The following CNTNAP5 variants were observed in gnomAD, a reference collection of about 807,000 sequenced individuals.
The protein encoded by CNTNAP5 is contactin-associated protein-like 5.
CNTNAP5 carries 72 observed loss-of-function variants against 150.2 expected under a neutral mutation model. That is an observed-to-expected ratio of 0.48 (90% CI 0.40 to 0.58). The LOEUF is 0.58. Ranked by LOEUF, CNTNAP5 falls within the 20% of genes least tolerant of loss-of-function variation. The pLI, the probability that CNTNAP5 is intolerant of heterozygous loss-of-function variation, is 0.00. For synonymous variants in CNTNAP5, 672 were observed against 619.8 expected, an observed-to-expected ratio of 1.08 and a Z score of -1.25; for missense variants, 1,636 against 1,626.2, an observed-to-expected ratio of 1.01 and a Z score of -0.10.
intron 13 of CNTNAP5, among the ~76,000 whole-genome samples, chr2:124,727,585 A>G (rs1055304658): frequency 5.9e-5 from 9 of 151,974 alleles, no homozygotes; most frequent in African/African-American, 7.2e-5. Context: ...TTGCTATTGT[A>G]ATGAGATTGT....
At chr2:124,123,287 G>A (rs972579854) in intron 1 of CNTNAP5, among the ~76,000 whole-genome samples, 2 of 152,122 alleles carry the variant, frequency 1.3e-5, no homozygotes, top group African/African-American at 2.4e-5. Flanking sequence ...CCACGCCCAC[G>A]GAGCCTCACT....
At chr2:124,446,663 A>C in intron 5 of CNTNAP5, 90 bp from the exon 6 acceptor site, 1 of 1,267,502 alleles carries the variant, frequency 7.9e-7, no homozygotes, top group Non-Finnish European at 1.1e-6. Flanking sequence ...CCTTTAGAAC[A>C]GATATAGCTG....
At chr2:124,834,772 A>G (rs1427729828) in intron 19 of CNTNAP5, among the ~76,000 whole-genome samples, 1 of 137,030 alleles carries the variant, frequency 7.3e-6, no homozygotes, top group African/African-American at 2.6e-5. Context: ...CTTTAAAGAT[A>G]CCTTTAAAAT....
chr2:124,818,192 G>A (rs147985299), intron 19 of CNTNAP5, among the ~76,000 whole-genome samples: 234 of 152,226 alleles, frequency 1.5e-3, no homozygotes, highest in African/African-American at 5.5e-3. Flanking sequence ...TGGATATTCA[G>A]AAACATACTA....
chr2:124,298,169 T>C (rs191390915), intron 3 of CNTNAP5, among the ~76,000 whole-genome samples: 314 of 152,292 alleles, frequency 2.1e-3, no homozygotes, highest in Non-Finnish European at 3.9e-3. Context: ...TTTAAAACTT[T>C]TATTTTAAGT....
At chr2:124,839,424 A>T (rs13402731) in intron 19 of CNTNAP5, among the ~76,000 whole-genome samples, 9,927 of 144,672 alleles carry the variant, frequency 0.069, 1,014 homozygotes, top group African/African-American at 0.23. Context: ...AAAATGACAC[A>T]CACTCTCTCT....
chr2:124,456,277 G>A (rs4372909), intron 6 of CNTNAP5, among the ~76,000 whole-genome samples: 38,997 of 151,844 alleles, frequency 0.26, 5,163 homozygotes, highest in African/African-American at 0.31. Flanking sequence ...CGCTGAGAAT[G>A]AAATCAAGAA....
At chr2:124,862,130 C>G (rs1208439301) in intron 19 of CNTNAP5, among the ~76,000 whole-genome samples, 1 of 152,138 alleles carries the variant, frequency 6.6e-6, no homozygotes. Context: ...TATTTTTAAA[C>G]TAAGTTTTAT....
chr2:124,253,869 G>T (rs1687245037), intron 3 of CNTNAP5, among the ~76,000 whole-genome samples: 1 of 151,732 alleles, frequency 6.6e-6, no homozygotes, highest in African/African-American at 2.4e-5. Flanking sequence ...GGGGAAGGGG[G>T]ATTTTTAAGT....
chr2:124,097,641 A>C (rs996099382), intron 1 of CNTNAP5, among the ~76,000 whole-genome samples: 3 of 152,122 alleles, frequency 2.0e-5, no homozygotes, highest in African/African-American at 7.2e-5. Flanking sequence ...TACTTGAAGA[A>C]CAGTAAAGAC....
chr2:124,920,211 T>C lies in CNTNAP5; in HGVS notation c.*5923T>C, dbSNP rs1678846545. On this transcript the variant is annotated 3_prime_UTR_variant, in exon 24 of 24. Transcript: ENST00000682447. The stretch of plus-strand genomic sequence containing the variant: ...TAACGCCTGGTCTTATTTTAACGAG[T>C]GTCATAGTCTTACATGCTTCAGATG... Among the ~76,000 whole-genome samples the C allele has an allele frequency of 6.6e-6, 1 of 152,058 alleles. No homozygotes were observed. Among genetic ancestry groups the C allele is most frequent in the Non-Finnish European group, 1.5e-5 (1 of 67,998 alleles).
intron 12 of CNTNAP5, among the ~76,000 whole-genome samples, chr2:124,646,900 G>A (rs1486112050): frequency 6.6e-6 from 1 of 152,174 alleles, no homozygotes; most frequent in Non-Finnish European, 1.5e-5. Flanking sequence ...TTGAGCCCAG[G>A]AATTTGAAGC....
chr2:124,710,073 C>T lies in CNTNAP5; in HGVS notation c.2078-37156C>T, dbSNP rs143056778. On this transcript the variant is annotated intron_variant, in intron 13 of 23. Coordinates refer to ENST00000682447, the MANE Select transcript of CNTNAP5 (RefSeq NM_001367498.1). Reference sequence around the variant, plus strand: ...CTGTAGTGACTGAGTAGATGGTCATCGAAGCTGGAATTCAGAGTTTGACAA... The same window carrying T: ...CTGTAGTGACTGAGTAGATGGTCATTGAAGCTGGAATTCAGAGTTTGACAA... Among the ~76,000 whole-genome samples, 390 of 152,110 alleles carry T rather than the reference C, an allele frequency of 2.6e-3. 5 individuals carry two copies. Among genetic ancestry groups the T allele is most frequent in the South Asian group, 5.4e-3 (26 of 4,824 alleles).
At chr2:124,792,874 A>T (rs1681763882) in intron 18 of CNTNAP5, among the ~76,000 whole-genome samples, 1 of 152,126 alleles carries the variant, frequency 6.6e-6, no homozygotes, top group African/African-American at 2.4e-5. Flanking sequence ...TTCCTTTTTA[A>T]TTGCCAAAGA....
intron 12 of CNTNAP5, among the ~76,000 whole-genome samples, chr2:124,623,533 C>A (rs1322546309): frequency 2.6e-5 from 4 of 152,174 alleles, no homozygotes; most frequent in Non-Finnish European, 5.9e-5. Context: ...CATCTTTATA[C>A]TTTAGTTTCT....
chr2:124,858,971 G>A (rs1217225630), intron 19 of CNTNAP5, among the ~76,000 whole-genome samples: 3 of 152,112 alleles, frequency 2.0e-5, no homozygotes, highest in Middle Eastern at 3.4e-3. Context: ...GAAAACCGAG[G>A]CAATACCATT....
At chr2:124,303,967 G>T (rs985545290) in intron 3 of CNTNAP5, among the ~76,000 whole-genome samples, 2 of 152,156 alleles carry the variant, frequency 1.3e-5, no homozygotes, top group African/African-American at 2.4e-5. Context: ...GGAGTCCAAG[G>T]TTACAGCAAG....
intron 19 of CNTNAP5, among the ~76,000 whole-genome samples, chr2:124,814,413 A>G (rs929706725): frequency 1.3e-5 from 2 of 152,110 alleles, no homozygotes; most frequent in African/African-American, 2.4e-5. Flanking sequence ...AATTGTCACA[A>G]GCACTGTTCA....
chr2:124,607,153 A>C (rs1350408177), intron 11 of CNTNAP5, among the ~76,000 whole-genome samples: 2 of 152,190 alleles, frequency 1.3e-5, no homozygotes, highest in African/African-American at 2.4e-5. Context: ...TTCTAAAACA[A>C]CACCTGGAAA....
Sources: allele counts gnomAD v4.1 joint callset (sites outside exome capture counted in the v4.1 genomes callset), GRCh38; gene constraint gnomAD v4.1.1; transcripts MANE v1.5; gene names NCBI Gene and HGNC (gene_info 2026-07-23, HGNC 2026-07-21).